IQCH: variants seen among roughly 807,000 people sequenced by gnomAD.
IQCH encodes IQ motif containing H, also known as IQ domain-containing protein H.
In IQCH, 98 loss-of-function variants were observed where a neutral mutation model predicts 117.0. The ratio of observed to expected loss-of-function variants is 0.84; its 90% CI spans 0.71 to 0.99. IQCH has a LOEUF of 0.99. Ranked by LOEUF, IQCH falls within the 50% of genes least tolerant of loss-of-function variation. The pLI, the probability that IQCH is intolerant of heterozygous loss-of-function variation, is 0.00. For missense variants in IQCH, 1,102 were observed against 1,243.8 expected, an observed-to-expected ratio of 0.89 and a Z score of 1.72; for synonymous variants, 412 against 448.2, an observed-to-expected ratio of 0.92 and a Z score of 1.02.
At chr15:67,274,882 C>T (rs1029128496) in intron 3 of IQCH, among the ~76,000 whole-genome samples, 3 of 152,098 alleles carry the variant, frequency 2.0e-5, no homozygotes, top group Admixed American at 6.6e-5. Context: ...TAGATGGCAA[C>T]TTAAGCCCGG....
chr15:67,495,681 C>T (rs1459164830), intron 20 of IQCH, among the ~76,000 whole-genome samples: 1 of 152,232 alleles, frequency 6.6e-6, no homozygotes, highest in Non-Finnish European at 1.5e-5. Flanking sequence ...GCTTGTCTCG[C>T]TGTGGGCAGA....
intron 4 of IQCH, among the ~76,000 whole-genome samples, chr15:67,314,683 A>G (rs1029947315): frequency 5.9e-5 from 9 of 152,202 alleles, no homozygotes; most frequent in Non-Finnish European, 1.2e-4. Flanking sequence ...GGCTAGGTCC[A>G]CATTACTGGA....
intron 2 of IQCH, among the ~76,000 whole-genome samples, 181 bp downstream of exon 2, chr15:67,261,575 T>C (rs1965463786): frequency 6.6e-6 from 1 of 152,220 alleles, no homozygotes; most frequent in Non-Finnish European, 1.5e-5. Context: ...TTATATTCTG[T>C]CATATTTCAC....
intron 16 of IQCH, among the ~76,000 whole-genome samples, chr15:67,429,504 C>T (rs1237523291): frequency 6.6e-6 from 1 of 152,064 alleles, no homozygotes; most frequent in Admixed American, 6.6e-5. Flanking sequence ...AGCAACAGAA[C>T]GAGACCCTGT....
At chr15:67,415,299 A>C (rs565013668) in intron 14 of IQCH, among the ~76,000 whole-genome samples, 30 of 152,338 alleles carry the variant, frequency 2.0e-4, no homozygotes, top group Middle Eastern at 6.8e-3. Flanking sequence ...TTGTCTCTGC[A>C]TCACAAGACA....
intron 3 of IQCH, among the ~76,000 whole-genome samples, chr15:67,268,519 T>G (rs1965768711): frequency 6.6e-6 from 1 of 152,230 alleles, no homozygotes; most frequent in African/African-American, 2.4e-5. Flanking sequence ...GACTGCCATC[T>G]GTACCAGCAC....
intron 8 of IQCH, among the ~76,000 whole-genome samples, chr15:67,368,210 G>A (rs137909273): frequency 0.011 from 1,623 of 152,282 alleles, 14 homozygotes; most frequent in Non-Finnish European, 0.015. Context: ...CTCTGGGCCC[G>A]TAATAGCCTA....
Position 67,384,497 on chromosome 15 carries a change from T to C in IQCH, c.1373-439T>C, listed in dbSNP as rs1018736374. ...ATACATATTCCTGACAGCAAGGGAT[T>C]TATCTGAAATCTATGTGTCACTTTA... On this transcript the variant is annotated intron_variant, in intron 10 of 20. Transcript: ENST00000335894. This position sits in a 1 kb window ranked among gnomAD's most constrained non-coding sequence, Gnocchi z 4.3. Among the ~76,000 whole-genome samples, 5 of 152,160 alleles carry C rather than the reference T, an allele frequency of 3.3e-5. No homozygotes were observed. The highest frequency in any genetic ancestry group is 6.5e-5 in the Admixed American group (1 of 15,268).
chr15:67,420,965 T>A (rs1596342435), intron 15 of IQCH, among the ~76,000 whole-genome samples: 1 of 152,208 alleles, frequency 6.6e-6, no homozygotes, highest in Admixed American at 6.5e-5. Flanking sequence ...CCATAATTCT[T>A]GGGTTCCCTG....
rs2082741605 is a variant in IQCH at position 67,459,644 on chromosome 15, G to A, written c.2506-5483G>A. On this transcript the variant is annotated intron_variant, in intron 16 of 20. Coordinates refer to ENST00000335894, the MANE Select transcript of IQCH (RefSeq NM_001031715.3). The surrounding 1 kb of genome is among the most constrained non-coding windows in gnomAD (Gnocchi z 4.2). ...CCAGATCCTTGGACCAGAACAATCTGGGCAAGCTGACCTTTGCCTGACTCC... is the reference window on the plus strand; with the variant it reads ...CCAGATCCTTGGACCAGAACAATCTAGGCAAGCTGACCTTTGCCTGACTCC... The A allele has an allele frequency of 6.6e-6, 1 of 152,170 alleles. No homozygotes were observed. Among genetic ancestry groups the A allele is most frequent in the African/African-American group, 2.4e-5 (1 of 41,398 alleles). 9.4% of individuals were successfully genotyped at this position (152,170 alleles called of 1,614,324 possible).
In IQCH at chr15:67,263,485, G is replaced by T. The variant is rs542665400; in HGVS notation, c.269+269G>T. 5.3e-5 allele frequency among the ~76,000 whole-genome samples: 8 copies of T among 152,070 alleles called. No individual in the cohort carries two copies. In the South Asian group the frequency reaches 1.7e-3, roughly 32 times the overall value. ...TTGTACTTGTACCCCTCAAGTTTAT[G>T]CAGATTAAAAAAAAATAAGTTAATG... On this transcript the variant is annotated intron_variant, in intron 3 of 20. Coordinates refer to ENST00000335894, the MANE Select transcript of IQCH (RefSeq NM_001031715.3).
At chr15:67,263,633 A>G (rs531055140) in intron 3 of IQCH, among the ~76,000 whole-genome samples, 2 of 152,252 alleles carry the variant, frequency 1.3e-5, no homozygotes, top group East Asian at 3.9e-4. Flanking sequence ...GTTATTTTAT[A>G]GTGAAAGGTA....
At chr15:67,360,136 C>G (rs180926250) in intron 8 of IQCH, 5 of 408,440 alleles carry the variant, frequency 1.2e-5, no homozygotes, top group Admixed American at 4.3e-5. Flanking sequence ...AAACAAATGA[C>G]TTAGCGTCCT....
rs111230492 is a variant in IQCH at position 67,403,199 on chromosome 15, G to A, written c.2097+2894G>A. ...CAGGAGACAGAGGTTGCAGTGAGCC[G>A]AGATCACACCACTGCACTCCAGCCT... On this transcript the variant is annotated intron_variant, in intron 14 of 20. Coordinates refer to ENST00000335894, the MANE Select transcript of IQCH (RefSeq NM_001031715.3). The surrounding 1 kb of genome is among the most constrained non-coding windows in gnomAD (Gnocchi z 4.8). Among the ~76,000 whole-genome samples the A allele has an allele frequency of 1.1e-4, 17 of 150,616 alleles. 2 individuals are homozygous for A. Among genetic ancestry groups the A allele is most frequent in the African/African-American group, 3.4e-4 (14 of 40,958 alleles).
At chr15:67,315,948 G>A (rs1246480177) in intron 4 of IQCH, among the ~76,000 whole-genome samples, 1 of 152,124 alleles carries the variant, frequency 6.6e-6, no homozygotes, top group Admixed American at 6.5e-5. Flanking sequence ...TGTATCAGGA[G>A]GAGAAAGAGA....
Position 67,424,958 on chromosome 15 carries a change from T to A in IQCH, c.2505+3381T>A, listed in dbSNP as rs922608734. On this transcript the variant is annotated intron_variant, in intron 16 of 20. Coordinates refer to ENST00000335894, the MANE Select transcript of IQCH (RefSeq NM_001031715.3). This position sits in a 1 kb window ranked among gnomAD's most constrained non-coding sequence, Gnocchi z 4.9. ...AAAACATCTTAATTTTTTTTCTAAT[T>A]GACATGCCTTGTGATGCCATTGAAG... 3.3e-5 allele frequency among the ~76,000 whole-genome samples: 5 copies of A among 152,244 alleles called. No homozygotes were observed. The highest frequency in any genetic ancestry group is 1.2e-4 in the African/African-American group (5 of 41,472).
chr15:67,478,877 T>A (rs1313164074), intron 18 of IQCH, among the ~76,000 whole-genome samples: 1 of 151,822 alleles, frequency 6.6e-6, no homozygotes, highest in East Asian at 1.9e-4. Flanking sequence ...TGAGCCGAGA[T>A]TGCGCCACTG....
Position 67,254,891 on chromosome 15 carries a change from C to A in IQCH, c.-6C>A, listed in dbSNP as rs932015152. ...TCCGCGGAGGTAGCCGTTCCCTGAC[C>A]TAGCCATGGCACAGAACACTGAAAA... On this transcript the variant is annotated 5_prime_UTR_variant, in exon 1 of 21. Coordinates refer to ENST00000335894, the MANE Select transcript of IQCH (RefSeq NM_001031715.3). 1.2e-6 allele frequency: 2 copies of A among 1,613,558 alleles called. No homozygotes were observed. Among genetic ancestry groups the A allele is most frequent in the Admixed American group, 3.3e-5 (2 of 59,996 alleles).
rs1054185623 is a variant in IQCH, at chr15:67,453,759, G to A, written c.2506-11368G>A. On this transcript the variant is annotated intron_variant, in intron 16 of 20. Coordinates refer to ENST00000335894, the MANE Select transcript of IQCH (RefSeq NM_001031715.3). The surrounding 1 kb of genome is among the most constrained non-coding windows in gnomAD (Gnocchi z 5.8). ...CACTACTCTTCAAAGCTGTCAGAGA[G>A]GGACATTTAAGTCTGCAGAGGTTAC... Among the ~76,000 whole-genome samples, 1 of 152,330 alleles carries A rather than the reference G, an allele frequency of 6.6e-6. No homozygotes were observed. The highest frequency in any genetic ancestry group is 1.9e-4 in the East Asian group (1 of 5,184).
Sources: allele counts gnomAD v4.1 joint callset (sites outside exome capture counted in the v4.1 genomes callset), GRCh38; gene constraint gnomAD v4.1.1; non-coding constraint Gnocchi (gnomAD v3.1); transcripts MANE v1.5; gene names NCBI Gene and HGNC (gene_info 2026-07-23, HGNC 2026-07-21).